The following ACVR1B variants were observed in gnomAD, a reference collection of about 807,000 sequenced individuals.
ACVR1B encodes activin receptor type-1B.
A neutral mutation model predicts 55.6 loss-of-function variants in ACVR1B; 15 were observed. That is an observed-to-expected ratio of 0.27 (90% CI 0.18 to 0.42). The LOEUF (loss-of-function observed/expected upper bound fraction) is 0.42. Ranked by LOEUF, ACVR1B falls within the 10% of genes least tolerant of loss-of-function variation. The pLI, the probability that ACVR1B is intolerant of heterozygous loss-of-function variation, is 1.00. For missense variants in ACVR1B, 359 were observed against 670.1 expected (o/e 0.54, Z 5.13); for synonymous variants, 247 against 254.6 (o/e 0.97, Z 0.28).
chr12:51,979,555 T>C lies in ACVR1B; in HGVS notation c.581-1414T>C, dbSNP rs533203565. On this transcript the variant is annotated intron_variant, in intron 3 of 8. Coordinates refer to ENST00000257963, the MANE Select transcript of ACVR1B (RefSeq NM_004302.5). ...AAAGAACATTCCAGGCCAATGAAAA[T>C]ACCTTGAGTAAAAAGACAAAGGCAT... Among the ~76,000 whole-genome samples, 67 of 148,744 alleles carry C rather than the reference T, an allele frequency of 4.5e-4. 1 individual carries two copies. Among genetic ancestry groups the C allele is most frequent in the Non-Finnish European group, 7.0e-4 (47 of 67,400 alleles).
Position 51,996,194 on chromosome 12 carries a change from AC to A in ACVR1B, c.*2086del, listed in dbSNP as rs1223853041. 6.6e-6 allele frequency: 1 copy of A among 152,244 alleles called. No individual in the cohort carries two copies. The highest frequency in any genetic ancestry group is 2.4e-5 in the African/African-American group (1 of 41,380). 9.4% of individuals were successfully genotyped at this position (152,244 alleles called of 1,614,324 possible). A position where few individuals can be genotyped will look rare whatever the true frequency, so the allele number is the denominator to read the frequency against. ...CCTGGGGTTTAGAACCCCAGGTGAG[AC>A]CTCAAATCACTGCATTCATTCTGAG... On this transcript the variant is annotated 3_prime_UTR_variant, in exon 9 of 9. Coordinates refer to ENST00000257963, the MANE Select transcript of ACVR1B (RefSeq NM_004302.5).
chr12:51,995,823 T>A lies in ACVR1B; in HGVS notation c.*1713T>A, dbSNP rs372388093. 9.2e-5 allele frequency: 14 copies of A among 152,736 alleles called. 1 individual carries two copies. The highest frequency in any genetic ancestry group is 2.9e-4 in the African/African-American group (12 of 41,534). 9.5% of individuals were successfully genotyped at this position (152,736 alleles called of 1,614,324 possible). A position where few individuals can be genotyped will look rare whatever the true frequency, so the allele number is the denominator to read the frequency against. On this transcript the variant is annotated 3_prime_UTR_variant, in exon 9 of 9. Transcript: ENST00000257963. ...GAGGCTCAGTCTCTCTCGTATTTTGTCCCCACCCCCAATTCCTTGAGTGGT... is the reference window on the plus strand; with the variant it reads ...GAGGCTCAGTCTCTCTCGTATTTTGACCCCACCCCCAATTCCTTGAGTGGT...
intron 8 of ACVR1B, 158 bp downstream of exon 8, chr12:51,992,151 G>C (rs1942204716): frequency 1.0e-6 from 1 of 954,820 alleles, no homozygotes; most frequent in Non-Finnish European, 1.6e-6. Flanking sequence ...GCCCTTTAGG[G>C]CTACAGTCTC....
chr12:51,985,135 A>G (rs1475487937), intron 5 of ACVR1B, 57 bp from the exon 6 acceptor site: 1 of 1,537,418 alleles, frequency 6.5e-7, no homozygotes, highest in Admixed American at 2.0e-5. Context: ...TGCATAGTCT[A>G]TGCTTTTAAC....
chr12:51,980,964 C>G lies in ACVR1B; in HGVS notation c.581-5C>G. The G allele has an allele frequency of 6.3e-7, 1 of 1,588,252 alleles. No individual in the cohort carries two copies. Among genetic ancestry groups the G allele is most frequent in the African/African-American group, 1.3e-5 (1 of 74,094 alleles). Reference sequence around the variant, plus strand: ...TCAGGTTTCTTCCTATTCTTTGGTTCACAGGGTTACCCCTCTTTGTCCAGC... The same window carrying G: ...TCAGGTTTCTTCCTATTCTTTGGTTGACAGGGTTACCCCTCTTTGTCCAGC... On this transcript the variant is annotated splice_polypyrimidine_tract_variant and splice_region_variant and intron_variant, in intron 3 of 8. Coordinates refer to ENST00000257963, the MANE Select transcript of ACVR1B (RefSeq NM_004302.5).
chr12:51,956,527 C>G (rs1245161487), intron 1 of ACVR1B, among the ~76,000 whole-genome samples: 1 of 152,148 alleles, frequency 6.6e-6, no homozygotes, highest in Non-Finnish European at 1.5e-5. Context: ...AAACAGGATG[C>G]TGTGCCATAG....
intron 1 of ACVR1B, among the ~76,000 whole-genome samples, chr12:51,962,343 C>G (rs1941548136): frequency 6.6e-6 from 1 of 151,716 alleles, no homozygotes; most frequent in South Asian, 2.1e-4. Flanking sequence ...TTCATAAGTA[C>G]TTTTTACCAG....
At chr12:51,957,464 A>G (rs1349731644) in intron 1 of ACVR1B, among the ~76,000 whole-genome samples, 1 of 150,514 alleles carries the variant, frequency 6.6e-6, no homozygotes, top group Non-Finnish European at 1.5e-5. Context: ...AAAAAAAGCC[A>G]AAAACATCAT....
At chr12:51,982,968 T>A (rs1345438930) in intron 4 of ACVR1B, among the ~76,000 whole-genome samples, 2 of 152,182 alleles carry the variant, frequency 1.3e-5, no homozygotes, top group African/African-American at 4.8e-5. Context: ...GTGGGCCCCT[T>A]GTTTGTGATA....
chr12:51,954,507 T>G (rs1005279809), intron 1 of ACVR1B, among the ~76,000 whole-genome samples: 1 of 152,196 alleles, frequency 6.6e-6, no homozygotes, highest in Non-Finnish European at 1.5e-5. Context: ...TTTTGTTGAG[T>G]GGACATGGAT....
intron 6 of ACVR1B, among the ~76,000 whole-genome samples, chr12:51,985,616 A>C (rs1592259458): frequency 6.6e-6 from 1 of 152,206 alleles, no homozygotes; most frequent in South Asian, 2.1e-4. Flanking sequence ...AGAGAAGGAC[A>C]ATCTAGAGCA....
At chr12:51,981,226 T>TC in intron 4 of ACVR1B, 27 bp downstream of exon 4, 1 of 1,585,904 alleles carries the variant, frequency 6.3e-7, no homozygotes, top group Non-Finnish European at 8.7e-7. Flanking sequence ...GATACAGCAT[T>TC]CCCAGATAGA....
intron 1 of ACVR1B, among the ~76,000 whole-genome samples, chr12:51,961,885 C>T (rs931299179): frequency 1.1e-4 from 17 of 152,214 alleles, no homozygotes; most frequent in Non-Finnish European, 1.3e-4. Context: ...ACATTGGACA[C>T]ACTCCCTCAT....
chr12:51,972,062 T>C (rs957978315), intron 1 of ACVR1B, among the ~76,000 whole-genome samples: 1 of 152,156 alleles, frequency 6.6e-6, no homozygotes, highest in African/African-American at 2.4e-5. Flanking sequence ...AGGTTTTACA[T>C]TGAGGGGGGG....
intron 1 of ACVR1B, among the ~76,000 whole-genome samples, chr12:51,952,973 G>T (rs1216782070): frequency 1.3e-5 from 2 of 152,152 alleles, no homozygotes; most frequent in Non-Finnish European, 2.9e-5. Flanking sequence ...AAGAGCAGAT[G>T]AAACCCTAAA....
intron 6 of ACVR1B, among the ~76,000 whole-genome samples, 170 bp from the exon 7 acceptor site, chr12:51,986,648 A>G (rs774202340): frequency 6.6e-6 from 1 of 152,232 alleles, no homozygotes; most frequent in Non-Finnish European, 1.5e-5. Flanking sequence ...TTAGAATCAA[A>G]TTTAAAACAT....
intron 1 of ACVR1B, among the ~76,000 whole-genome samples, chr12:51,959,677 A>T (rs1941480963): frequency 6.6e-6 from 1 of 152,144 alleles, no homozygotes; most frequent in Non-Finnish European, 1.5e-5. Context: ...AAGAGAGGGG[A>T]ATAATGAGAA....
At chr12:51,993,169 C>T (rs1264408511) in intron 8 of ACVR1B, among the ~76,000 whole-genome samples, 1 of 152,220 alleles carries the variant, frequency 6.6e-6, no homozygotes, top group Non-Finnish European at 1.5e-5. Context: ...ACTGTTAGCA[C>T]ATTTCAGGTG....
At chr12:51,974,188 G>T (rs577091704) in intron 1 of ACVR1B, among the ~76,000 whole-genome samples, 11 of 152,266 alleles carry the variant, frequency 7.2e-5, no homozygotes, top group African/African-American at 2.4e-4. Flanking sequence ...ATGTGTGAGT[G>T]CTTCCTTCAG....
Sources: allele counts gnomAD v4.1 joint callset (sites outside exome capture counted in the v4.1 genomes callset), GRCh38; gene constraint gnomAD v4.1.1; transcripts MANE v1.5; gene names NCBI Gene and HGNC (gene_info 2026-07-23, HGNC 2026-07-21).